SOHLH2: variants seen among roughly 807,000 people sequenced by gnomAD.
SOHLH2 encodes the protein spermatogenesis- and oogenesis-specific basic helix-loop-helix-containing protein 2.
A neutral mutation model predicts 50.4 loss-of-function variants in SOHLH2; 22 were observed. The ratio of observed to expected loss-of-function variants is 0.44; its 90% CI spans 0.31 to 0.62. The LOEUF (loss-of-function observed/expected upper bound fraction) is 0.62. Among genes scored for constraint, SOHLH2 ranks in the 20% least tolerant of loss-of-function variants. The pLI, the probability that SOHLH2 is intolerant of heterozygous loss-of-function variation, is 0.08. For synonymous variants in SOHLH2, 185 were observed against 187.3 expected (o/e 0.99, Z 0.10); for missense variants, 412 against 504.4 (o/e 0.82, Z 1.76).
chr13:36,212,459 TATG>T (rs1258517153), intron 1 of SOHLH2, among the ~76,000 whole-genome samples: 3 of 152,214 alleles, frequency 2.0e-5, no homozygotes, highest in Non-Finnish European at 4.4e-5. Flanking sequence ...TAGTTTAAAA[TATG>T]TTGTTGACAA....
intron 4 of SOHLH2, 140 bp from the exon 5 acceptor site, chr13:36,192,034 G>A: frequency 2.1e-6 from 2 of 939,292 alleles, no homozygotes; most frequent in Non-Finnish European, 3.1e-6. Context: ...AAAACTGAAA[G>A]CAATTTATAG....
At chr13:36,204,883 C>T (rs539722515) in intron 1 of SOHLH2, among the ~76,000 whole-genome samples, 2 of 152,162 alleles carry the variant, frequency 1.3e-5, no homozygotes, top group South Asian at 2.1e-4. Flanking sequence ...ATTAAATCTC[C>T]GTATTTAGGA....
At chr13:36,169,120 AT>A in intron 10 of SOHLH2, 66 bp from the exon 11 acceptor site, 1 of 1,555,524 alleles carries the variant, frequency 6.4e-7, no homozygotes, top group Non-Finnish European at 8.6e-7. Flanking sequence ...TAATGTCATG[AT>A]TGTATTTTCT....
At chr13:36,188,863 T>C (rs1887499449) in intron 6 of SOHLH2, among the ~76,000 whole-genome samples, 1 of 152,206 alleles carries the variant, frequency 6.6e-6, no homozygotes, top group South Asian at 2.1e-4. Context: ...TTCAAAGAAA[T>C]GCTGTGTCCT....
At chr13:36,171,342 A>T (rs1458122204) in intron 9 of SOHLH2, among the ~76,000 whole-genome samples, 3 of 152,242 alleles carry the variant, frequency 2.0e-5, no homozygotes, top group Non-Finnish European at 2.9e-5. Flanking sequence ...AAGCAACTGT[A>T]TACAGAGATT....
chr13:36,182,248 A>G, intron 6 of SOHLH2: 1 of 985,442 alleles, frequency 1.0e-6, no homozygotes, highest in Non-Finnish European at 1.2e-6. Flanking sequence ...AATCTTGTAT[A>G]CAGTGAAGAG....
intron 6 of SOHLH2, among the ~76,000 whole-genome samples, chr13:36,186,719 A>G (rs1254632379): frequency 2.6e-5 from 4 of 152,204 alleles, no homozygotes; most frequent in African/African-American, 7.2e-5. Context: ...ATAAATATAT[A>G]ATGAATGGGA....
At chr13:36,214,458 T>A (rs747590007) in intron 1 of SOHLH2, 21 bp downstream of exon 1, 1 of 1,610,370 alleles carries the variant, frequency 6.2e-7, no homozygotes, top group Admixed American at 1.7e-5. Flanking sequence ...CGCAGCTGCC[T>A]CCCCTTCCAC....
intron 6 of SOHLH2, among the ~76,000 whole-genome samples, chr13:36,183,592 TA>T (rs1887319039): frequency 2.6e-5 from 4 of 152,194 alleles, no homozygotes; most frequent in Admixed American, 6.5e-5. Context: ...ATTGTGAACC[TA>T]AAACCGCACT....
intron 2 of SOHLH2, among the ~76,000 whole-genome samples, chr13:36,198,830 T>C (rs1334169563): frequency 6.6e-6 from 1 of 152,234 alleles, no homozygotes; most frequent in Non-Finnish European, 1.5e-5. Flanking sequence ...TGTGATCATG[T>C]GCTCTAATAC....
At chr13:36,191,662 C>T (rs944753250) in intron 5 of SOHLH2, 133 bp downstream of exon 5, 2 of 981,000 alleles carry the variant, frequency 2.0e-6, no homozygotes, top group Non-Finnish European at 1.5e-6. Flanking sequence ...TTGAATACTT[C>T]TGTAATGTGT....
chr13:36,187,532 C>T (rs777913660), intron 6 of SOHLH2, among the ~76,000 whole-genome samples: 1 of 152,140 alleles, frequency 6.6e-6, no homozygotes, highest in Non-Finnish European at 1.5e-5. Context: ...AGCAAGGCAG[C>T]AGTCATGGGA....
At chr13:36,196,805 G>C (rs1887745547) in intron 2 of SOHLH2, among the ~76,000 whole-genome samples, 1 of 152,100 alleles carries the variant, frequency 6.6e-6, no homozygotes. Flanking sequence ...TCAGACAAAG[G>C]TGGGATTCTT....
intron 6 of SOHLH2, among the ~76,000 whole-genome samples, chr13:36,177,271 G>A (rs1417834095): frequency 6.6e-6 from 1 of 152,012 alleles, no homozygotes; most frequent in Non-Finnish European, 1.5e-5. Flanking sequence ...TTTTCACTGA[G>A]CAACAGTATT....
At chr13:36,210,311 T>A (rs896848416) in intron 1 of SOHLH2, among the ~76,000 whole-genome samples, 1 of 152,202 alleles carries the variant, frequency 6.6e-6, no homozygotes, top group Non-Finnish European at 1.5e-5. Context: ...ACATTGAGCC[T>A]GGACTATCAC....
chr13:36,191,037 T>C (rs1457455544), intron 5 of SOHLH2, among the ~76,000 whole-genome samples: 1 of 152,200 alleles, frequency 6.6e-6, no homozygotes, highest in East Asian at 1.9e-4. Flanking sequence ...GTTATGTCCA[T>C]TCTTTGTATC....
intron 6 of SOHLH2, among the ~76,000 whole-genome samples, chr13:36,175,205 T>G (rs990656265): frequency 6.6e-6 from 1 of 152,240 alleles, no homozygotes; most frequent in African/African-American, 2.4e-5. Flanking sequence ...CACCCCCTGC[T>G]GCCTACGGAA....
In SOHLH2 at chr13:36,193,866, A is replaced by C. The variant is rs751310230; in HGVS notation, c.265T>G (p.Phe89Val). The change falls in exon 3 of 11, where the codon TTT becomes GTT. Residue 89 changes from phenylalanine (F) to valine (V), a missense_variant and splice_region_variant. Physicochemically the swap from Phe to Val is conservative, Grantham distance 50. Transcript: ENST00000379881. The stretch of plus-strand genomic sequence containing the variant: ...GAATGTGTATTTTTCTTTTTGCCAA[A>C]TCTGAGAGAGGAAAGAAAATGTTAA... ...EELEAIKLIR[F>V]GKKKNTHSLF... 2 of 1,593,658 alleles carry C rather than the reference A, an allele frequency of 1.3e-6. No homozygotes were observed. The highest frequency in any genetic ancestry group is 1.7e-6 in the Non-Finnish European group (2 of 1,174,964).
chr13:36,205,690 A>G (rs1868718586), intron 1 of SOHLH2, among the ~76,000 whole-genome samples: 1 of 151,990 alleles, frequency 6.6e-6, no homozygotes. Context: ...GTTTTATTGT[A>G]TTGCCTTATC....
Sources: gnomAD v4.1 joint callset for allele counts (sites outside exome capture counted in the v4.1 genomes callset) on GRCh38, gnomAD v4.1.1 for gene constraint, MANE v1.5 for transcripts, NCBI Gene and HGNC (gene_info 2026-07-23, HGNC 2026-07-21) for gene names.